HNF4G: variants seen among roughly 807,000 people sequenced by gnomAD.
The protein encoded by HNF4G is hepatocyte nuclear factor 4 gamma.
A neutral mutation model predicts 50.9 loss-of-function variants in HNF4G; 21 were observed. The observed-to-expected ratio is 0.41, with a 90% CI of 0.29 to 0.59. The LOEUF is 0.59. HNF4G is among the 20% of genes least tolerant of loss of function. The probability of loss-of-function intolerance (pLI) is 0.26; values close to 1 mark genes in which losing one functional copy is unlikely to be tolerated. For synonymous variants in HNF4G, 198 were observed against 185.6 expected, an observed-to-expected ratio of 1.07 and a Z score of -0.54; for missense variants, 527 against 559.4, an observed-to-expected ratio of 0.94 and a Z score of 0.58.
At chr8:75,420,126 C>T (rs942300875) in intron 1 of HNF4G, among the ~76,000 whole-genome samples, 5 of 151,876 alleles carry the variant, frequency 3.3e-5, no homozygotes, top group African/African-American at 4.8e-5. Flanking sequence ...TAATTTCTGT[C>T]TTCTCCTTAC....
chr8:75,558,471 G>A, intron 6 of HNF4G, 47 bp from the exon 7 acceptor site: 1 of 1,568,652 alleles, frequency 6.4e-7, no homozygotes, highest in Non-Finnish European at 8.7e-7. Context: ...AATTTGGGGA[G>A]ACAGGTGGTT....
chr8:75,557,449 G>A (rs1478640009), intron 6 of HNF4G, among the ~76,000 whole-genome samples: 3 of 152,032 alleles, frequency 2.0e-5, no homozygotes, highest in African/African-American at 4.8e-5. Flanking sequence ...GTGAAACCTC[G>A]TCTCTACTAA....
intron 1 of HNF4G, among the ~76,000 whole-genome samples, chr8:75,487,117 AT>A (rs1316239920): frequency 6.6e-6 from 1 of 152,196 alleles, no homozygotes; most frequent in Non-Finnish European, 1.5e-5. Context: ...AATAATATAA[AT>A]GCTTTAAAAC....
chr8:75,449,417 A>G (rs1380248944), intron 1 of HNF4G, among the ~76,000 whole-genome samples: 1 of 152,036 alleles, frequency 6.6e-6, no homozygotes, highest in Non-Finnish European at 1.5e-5. Context: ...TTGGTGTACT[A>G]CATGATGTCT....
chr8:75,544,651 T>A (rs530334892), intron 2 of HNF4G, among the ~76,000 whole-genome samples: 1,848 of 26,948 alleles, frequency 0.069, 22 homozygotes, highest in Non-Finnish European at 0.082. Flanking sequence ...TTTTCTTGGG[T>A]TTTTTTTTTT....
At chr8:75,511,360 G>T (rs898409241) in intron 2 of HNF4G, among the ~76,000 whole-genome samples, 11 of 152,126 alleles carry the variant, frequency 7.2e-5, no homozygotes, top group Middle Eastern at 6.8e-3. Context: ...TAACATATAC[G>T]TTTGCCTTAA....
At chr8:75,483,692 C>T (rs1053220065) in intron 1 of HNF4G, among the ~76,000 whole-genome samples, 1 of 152,028 alleles carries the variant, frequency 6.6e-6, no homozygotes, top group African/African-American at 2.4e-5. Flanking sequence ...ATGAAAGGTC[C>T]GCTCTCTTAA....
chr8:75,477,285 T>A (rs552046983), intron 1 of HNF4G, among the ~76,000 whole-genome samples: 1 of 152,226 alleles, frequency 6.6e-6, no homozygotes, highest in African/African-American at 2.4e-5. Flanking sequence ...ATTCTTAGGT[T>A]AATTTTTTTA....
At chr8:75,529,466 TG>T (rs1305448004) in intron 2 of HNF4G, among the ~76,000 whole-genome samples, 2 of 151,928 alleles carry the variant, frequency 1.3e-5, no homozygotes, top group African/African-American at 2.4e-5. Context: ...GCAAAAAAAA[TG>T]GGATATATCT....
At chr8:75,439,538 T>C (rs1811223690) in intron 1 of HNF4G, among the ~76,000 whole-genome samples, 1 of 152,052 alleles carries the variant, frequency 6.6e-6, no homozygotes, top group Non-Finnish European at 1.5e-5. Context: ...GTATCTGGCA[T>C]TAAAAAACAT....
At chr8:75,488,709 A>G (rs550100575) in intron 1 of HNF4G, among the ~76,000 whole-genome samples, 2 of 152,282 alleles carry the variant, frequency 1.3e-5, no homozygotes, top group Non-Finnish European at 2.9e-5. Flanking sequence ...TTACACAGGG[A>G]CAGTATGGAT....
At chr8:75,518,570 C>T (rs1805956003) in intron 2 of HNF4G, among the ~76,000 whole-genome samples, 1 of 152,164 alleles carries the variant, frequency 6.6e-6, no homozygotes, top group Non-Finnish European at 1.5e-5. Context: ...TTCTTGACTT[C>T]TGTGCACCTG....
intron 2 of HNF4G, among the ~76,000 whole-genome samples, chr8:75,545,689 T>C (rs1339316179): frequency 1.3e-5 from 2 of 152,096 alleles, no homozygotes; most frequent in Non-Finnish European, 2.9e-5. Flanking sequence ...GCACTTTTAA[T>C]TGCTGTTTCA....
chr8:75,481,271 T>A (rs1057506401), intron 1 of HNF4G, among the ~76,000 whole-genome samples: 3 of 152,204 alleles, frequency 2.0e-5, no homozygotes, highest in African/African-American at 7.2e-5. Context: ...TCCTAATTCC[T>A]ATACTTGAGT....
chr8:75,489,706 G>C (rs1812577851), intron 1 of HNF4G, among the ~76,000 whole-genome samples: 1 of 152,184 alleles, frequency 6.6e-6, no homozygotes, highest in Admixed American at 6.5e-5. Context: ...AGGGAGTTTA[G>C]ATTGCTCATT....
At chr8:75,544,374 T>G (rs1806710442) in intron 2 of HNF4G, among the ~76,000 whole-genome samples, 1 of 152,308 alleles carries the variant, frequency 6.6e-6, no homozygotes, top group African/African-American at 2.4e-5. Flanking sequence ...CTCTAAACAT[T>G]TTAAAATCTG....
At chr8:75,544,120 C>T (rs186539065) in intron 2 of HNF4G, 141 bp downstream of exon 2, 2 of 666,080 alleles carry the variant, frequency 3.0e-6, no homozygotes, top group African/African-American at 1.8e-5. Flanking sequence ...CAAGTAAGAA[C>T]GTGTGGGTAT....
intron 1 of HNF4G, among the ~76,000 whole-genome samples, chr8:75,455,192 C>A (rs1811691185): frequency 6.6e-6 from 1 of 152,042 alleles, no homozygotes; most frequent in African/African-American, 2.4e-5. Context: ...AGACCGACTT[C>A]CTAACAAATT....
At chr8:75,498,427 G>T (rs757276332) in intron 2 of HNF4G, among the ~76,000 whole-genome samples, 1 of 151,784 alleles carries the variant, frequency 6.6e-6, no homozygotes, top group Non-Finnish European at 1.5e-5. Context: ...AAACATTCCC[G>T]CAAAACAAGT....
Sources: allele counts gnomAD v4.1 joint callset (sites outside exome capture counted in the v4.1 genomes callset), GRCh38; gene constraint gnomAD v4.1.1; transcripts MANE v1.5; gene names NCBI Gene and HGNC (gene_info 2026-07-23, HGNC 2026-07-21).